The following MTUS2 variants were observed in gnomAD, a reference collection of about 807,000 sequenced individuals.
The protein encoded by MTUS2 is microtubule associated scaffold protein 2, also known as microtubule-associated tumor suppressor candidate 2.
Under a neutral mutation model 114.1 loss-of-function variants are expected in MTUS2, and 40 were observed. The ratio of observed to expected loss-of-function variants is 0.35; its 90% CI spans 0.27 to 0.46. MTUS2 has a LOEUF of 0.46. Among genes scored for constraint, MTUS2 ranks in the 20% least tolerant of loss-of-function variants. The pLI is 1.00. For missense variants in MTUS2, 1,679 were observed against 1,705.4 expected (o/e 0.98, Z 0.27); for synonymous variants, 688 against 672.0 (o/e 1.02, Z -0.37).
chr13:28,930,167 A>G (rs1318123228), intron 2 of MTUS2, among the ~76,000 whole-genome samples: 2 of 152,260 alleles, frequency 1.3e-5, no homozygotes, highest in Non-Finnish European at 1.5e-5. Flanking sequence ...TTAGCCTCAC[A>G]TAGTAAAATT....
At chr13:29,310,661 A>T (rs1899713262) in intron 6 of MTUS2, among the ~76,000 whole-genome samples, 1 of 152,362 alleles carries the variant, frequency 6.6e-6, no homozygotes, top group Middle Eastern at 3.4e-3. Context: ...CATCATCAGT[A>T]ATCAGAAGAA....
intron 2 of MTUS2, among the ~76,000 whole-genome samples, chr13:28,927,577 A>G (rs2138075661): frequency 6.6e-6 from 1 of 152,280 alleles, no homozygotes; most frequent in South Asian, 2.1e-4. Flanking sequence ...TAAAAAATGA[A>G]TTACAAACAA....
chr13:28,891,459 A>C (rs1811887642), intron 2 of MTUS2, among the ~76,000 whole-genome samples: 1 of 152,174 alleles, frequency 6.6e-6, no homozygotes, highest in Non-Finnish European at 1.5e-5. Context: ...AAAAGGCAGA[A>C]TCGTAGGCCG....
At chr13:29,216,416 G>T (rs1895684131) in intron 5 of MTUS2, among the ~76,000 whole-genome samples, 1 of 152,144 alleles carries the variant, frequency 6.6e-6, no homozygotes, top group Admixed American at 6.6e-5. Context: ...AGGTGCCACT[G>T]GGATACGAAA....
intron 9 of MTUS2, among the ~76,000 whole-genome samples, chr13:29,466,876 CAA>C (rs11296600): frequency 0.017 from 1,519 of 87,598 alleles, 14 homozygotes; most frequent in Non-Finnish European, 0.023. Flanking sequence ...GACCTCATCT[CAA>C]AAAAAAAAAA....
intron 2 of MTUS2, among the ~76,000 whole-genome samples, chr13:28,965,929 C>G (rs1276463736): frequency 6.6e-6 from 1 of 152,192 alleles, no homozygotes; most frequent in Admixed American, 6.5e-5. Context: ...ACAGCAACAT[C>G]TAGATGGATT....
chr13:29,158,398 T>C (rs1892963590), intron 5 of MTUS2, among the ~76,000 whole-genome samples: 1 of 116,360 alleles, frequency 8.6e-6, no homozygotes, highest in South Asian at 3.1e-4. Context: ...TAGCAGGAAA[T>C]GTCCAAGTGT....
At chr13:29,248,069 A>T (rs1408703956) in intron 5 of MTUS2, among the ~76,000 whole-genome samples, 1 of 152,270 alleles carries the variant, frequency 6.6e-6, no homozygotes, top group Non-Finnish European at 1.5e-5. Flanking sequence ...ATTCAGCCAT[A>T]AAAAGGAATG....
intron 2 of MTUS2, among the ~76,000 whole-genome samples, chr13:28,878,117 A>G (rs1878055613): frequency 6.6e-6 from 1 of 152,054 alleles, no homozygotes; most frequent in Admixed American, 6.5e-5. Flanking sequence ...TGAAGATCAA[A>G]CTTTTTGGTG....
intron 8 of MTUS2, among the ~76,000 whole-genome samples, chr13:29,365,235 T>C (rs1870603355): frequency 6.6e-6 from 1 of 152,120 alleles, no homozygotes; most frequent in Admixed American, 6.5e-5. Context: ...GCCAAGCAGC[T>C]CTTTGAAGTA....
intron 8 of MTUS2, among the ~76,000 whole-genome samples, chr13:29,380,872 C>A (rs1872147092): frequency 6.0e-5 from 1 of 16,616 alleles, no homozygotes; most frequent in Non-Finnish European, 3.5e-4. Flanking sequence ...GCCGAGATTG[C>A]GCCACTGCAG....
chr13:28,871,147 A>T (rs1438198671), intron 2 of MTUS2, among the ~76,000 whole-genome samples: 1 of 152,214 alleles, frequency 6.6e-6, no homozygotes, highest in Non-Finnish European at 1.5e-5. Context: ...AGTTAAATAA[A>T]ATTAATAGGA....
At chr13:29,413,311 G>C (rs1056001622) in intron 8 of MTUS2, among the ~76,000 whole-genome samples, 4 of 152,152 alleles carry the variant, frequency 2.6e-5, no homozygotes, top group Non-Finnish European at 4.4e-5. Flanking sequence ...TTTGGTAGAA[G>C]ACTGTAGATT....
intron 2 of MTUS2, among the ~76,000 whole-genome samples, chr13:28,950,510 T>G (rs1441378428): frequency 6.6e-6 from 1 of 152,222 alleles, no homozygotes; most frequent in African/African-American, 2.4e-5. Context: ...TCCAATAAAT[T>G]CTTCCAAATC....
At chr13:29,362,005 C>T (rs1446132347) in intron 8 of MTUS2, among the ~76,000 whole-genome samples, 1 of 152,176 alleles carries the variant, frequency 6.6e-6, no homozygotes, top group East Asian at 1.9e-4. Flanking sequence ...CTGTGCACTT[C>T]GTCATCATCA....
At chr13:29,345,789 A>G (rs1343808979) in intron 7 of MTUS2, among the ~76,000 whole-genome samples, 1 of 152,134 alleles carries the variant, frequency 6.6e-6, no homozygotes, top group Non-Finnish European at 1.5e-5. Flanking sequence ...AGCCTATGTC[A>G]GAGGGAAGAT....
chr13:29,105,631 A>G (rs946286495), intron 5 of MTUS2, among the ~76,000 whole-genome samples: 2 of 137,782 alleles, frequency 1.5e-5, no homozygotes, highest in Non-Finnish European at 3.1e-5. Flanking sequence ...TAAAAAAAAA[A>G]TTAGAAGTTT....
At chr13:28,995,713 A>G (rs1464639462) in intron 2 of MTUS2, among the ~76,000 whole-genome samples, 2 of 152,132 alleles carry the variant, frequency 1.3e-5, no homozygotes, top group Non-Finnish European at 2.9e-5. Flanking sequence ...TTTTTGGTGT[A>G]TAAGAATGCT....
chr13:29,032,062 T>C (rs1210705052), intron 3 of MTUS2, among the ~76,000 whole-genome samples: 2 of 152,170 alleles, frequency 1.3e-5, no homozygotes, highest in African/African-American at 4.8e-5. Flanking sequence ...TTCCAAACGT[T>C]GTTTTATGAC....
Sources: gnomAD v4.1 joint callset for allele counts (sites outside exome capture counted in the v4.1 genomes callset) on GRCh38, gnomAD v4.1.1 for gene constraint, MANE v1.5 for transcripts, NCBI Gene and HGNC (gene_info 2026-07-23, HGNC 2026-07-21) for gene names.